PDZD2: variants seen among roughly 807,000 people sequenced by gnomAD.
PDZD2 encodes the protein PDZ domain-containing protein 2.
Under a neutral mutation model 220.7 loss-of-function variants are expected in PDZD2, and 90 were observed. That is an observed-to-expected ratio of 0.41 (90% CI 0.34 to 0.49). PDZD2 has a LOEUF of 0.49. Among genes scored for constraint, PDZD2 ranks in the 20% least tolerant of loss-of-function variants. The pLI is 0.28. For synonymous variants in PDZD2, 1,375 were observed against 1,450.5 expected, an observed-to-expected ratio of 0.95 and a Z score of 1.18; for missense variants, 3,174 against 3,608.5, an observed-to-expected ratio of 0.88 and a Z score of 3.08.
intron 8 of PDZD2, among the ~76,000 whole-genome samples, chr5:32,050,312 C>T (rs1363700450): frequency 6.6e-6 from 1 of 152,172 alleles, no homozygotes; most frequent in Admixed American, 6.6e-5. Context: ...TCTTAACTGA[C>T]CTGCTGAGGA....
intron 2 of PDZD2, among the ~76,000 whole-genome samples, chr5:31,836,942 C>G (rs1026291845): frequency 6.6e-6 from 1 of 151,784 alleles, no homozygotes; most frequent in Non-Finnish European, 1.5e-5. Flanking sequence ...TGTTTAAATC[C>G]AGGAGGTGGA....
chr5:32,040,659 C>T (rs2112245152), intron 7 of PDZD2, among the ~76,000 whole-genome samples: 1 of 139,054 alleles, frequency 7.2e-6, no homozygotes, highest in African/African-American at 2.7e-5. Flanking sequence ...GCACCTCCGC[C>T]TGGCTGCCAC....
chr5:31,950,143 T>G (rs1747051413), intron 2 of PDZD2, among the ~76,000 whole-genome samples: 1 of 152,212 alleles, frequency 6.6e-6, no homozygotes, highest in Non-Finnish European at 1.5e-5. Context: ...GAACTTAAGT[T>G]GACCATCTAT....
chr5:31,799,190 T>G lies in PDZD2; in HGVS notation c.-59T>G, dbSNP rs1754232299. Reference sequence around the variant, plus strand: ...GGACCCCAGGGGACGTGGGGCCCTGTGGGGTCTGGCCCCCAGGAGCAAGAC... The same window carrying G: ...GGACCCCAGGGGACGTGGGGCCCTGGGGGGTCTGGCCCCCAGGAGCAAGAC... On this transcript the variant is annotated 5_prime_UTR_variant, in exon 2 of 25. Coordinates refer to ENST00000438447, the MANE Select transcript of PDZD2 (RefSeq NM_178140.4). The G allele has an allele frequency of 5.0e-6, 6 of 1,189,284 alleles. No homozygotes were observed. Among genetic ancestry groups the G allele is most frequent in the Non-Finnish European group, 7.2e-6 (6 of 833,724 alleles). The allele number at this position is 1,189,284 out of a possible 1,614,324, so 73.7% of individuals were successfully genotyped here.
chr5:31,903,873 G>A (rs1218377301), intron 2 of PDZD2, among the ~76,000 whole-genome samples: 5 of 151,672 alleles, frequency 3.3e-5, no homozygotes, highest in Admixed American at 6.6e-5. Flanking sequence ...ACAGGTGCCC[G>A]CCACCATGCG....
intron 2 of PDZD2, among the ~76,000 whole-genome samples, chr5:31,803,982 G>A (rs560380204): frequency 6.6e-6 from 1 of 151,452 alleles, no homozygotes; most frequent in Non-Finnish European, 1.5e-5. Context: ...GATCGAGGCT[G>A]CAGTGAGCCA....
At chr5:31,985,117 CA>C (rs373205260) in intron 3 of PDZD2, among the ~76,000 whole-genome samples, 2,269 of 143,204 alleles carry the variant, frequency 0.016, 46 homozygotes, top group African/African-American at 0.052. Flanking sequence ...GGATTAAGGA[CA>C]AAAAAAAAAA....
At chr5:31,806,398 C>T (rs2150237189) in intron 2 of PDZD2, among the ~76,000 whole-genome samples, 1 of 152,292 alleles carries the variant, frequency 6.6e-6, no homozygotes, top group Admixed American at 6.5e-5. Context: ...CCTGTGACTG[C>T]CTCCAAATTA....
rs899883936 is a variant in PDZD2 at position 31,797,827 on chromosome 5, T to C, written c.-360-1062T>C. On this transcript the variant is annotated intron_variant, in intron 1 of 24. Transcript: ENST00000438447. ...GGCTTCTGACACCTCTCCCATGCATTATTGTTCCTTGTTAAATCACTTCCT... is the reference window on the plus strand; with the variant it reads ...GGCTTCTGACACCTCTCCCATGCATCATTGTTCCTTGTTAAATCACTTCCT... 7.2e-5 allele frequency among the ~76,000 whole-genome samples: 11 copies of C among 152,320 alleles called. No homozygotes were observed. In the East Asian group the frequency reaches 2.1e-3, roughly 29 times the overall value.
rs190230378 is a variant in PDZD2 at position 31,934,317 on chromosome 5, C to T, written c.477-48838C>T. Among the ~76,000 whole-genome samples the T allele has an allele frequency of 4.1e-3, 630 of 152,274 alleles. 5 individuals are homozygous for T. The highest frequency in any genetic ancestry group is 0.023 in the South Asian group (112 of 4,816). ...GGTGAGTTCCAGGAAGTTACCCACA[C>T]GATCAACTTTCAGGCCTCTTGAATG... On this transcript the variant is annotated intron_variant, in intron 2 of 24. Transcript: ENST00000438447.
intron 1 of PDZD2, among the ~76,000 whole-genome samples, chr5:31,662,805 C>T (rs147361750): frequency 0.024 from 3,628 of 152,194 alleles, 108 homozygotes; most frequent in East Asian, 0.084. Flanking sequence ...AATTTTTTTG[C>T]ATTTTTAGTA....
At chr5:31,897,606 G>A (rs1364316435) in intron 2 of PDZD2, among the ~76,000 whole-genome samples, 1 of 152,146 alleles carries the variant, frequency 6.6e-6, no homozygotes, top group Non-Finnish European at 1.5e-5. Flanking sequence ...CTCTTTTTCT[G>A]GGGATAGGGC....
At chr5:31,932,173 G>A (rs1745354669) in intron 2 of PDZD2, among the ~76,000 whole-genome samples, 2 of 152,188 alleles carry the variant, frequency 1.3e-5, no homozygotes, top group Admixed American at 1.3e-4. Flanking sequence ...GACCATTTAT[G>A]AATTGCATTT....
chr5:31,698,586 G>A (rs1450345635), intron 1 of PDZD2, among the ~76,000 whole-genome samples: 8 of 148,368 alleles, frequency 5.4e-5, no homozygotes, highest in Non-Finnish European at 7.4e-5. Context: ...GCGACAGAGC[G>A]AGACTCTGTC....
chr5:31,914,975 G>A (rs376121219), intron 2 of PDZD2, among the ~76,000 whole-genome samples: 86 of 152,316 alleles, frequency 5.6e-4, no homozygotes, highest in African/African-American at 1.9e-3. Flanking sequence ...GTAGGGGGTG[G>A]GGAAAGCCTG....
intron 1 of PDZD2, among the ~76,000 whole-genome samples, chr5:31,692,179 G>A (rs1747166549): frequency 6.6e-6 from 1 of 152,260 alleles, no homozygotes; most frequent in Non-Finnish European, 1.5e-5. Context: ...CTAAGGCCCG[G>A]CGAGAAATTG....
At chr5:31,760,949 C>T (rs549292) in intron 1 of PDZD2, among the ~76,000 whole-genome samples, 100,703 of 151,904 alleles carry the variant, frequency 0.66, 34,681 homozygotes, top group East Asian at 0.88. Flanking sequence ...AATAAATAAG[C>T]AAACATTTGT....
At chr5:31,851,898 C>T (rs921004645) in intron 2 of PDZD2, among the ~76,000 whole-genome samples, 27 of 152,078 alleles carry the variant, frequency 1.8e-4, no homozygotes, top group African/African-American at 6.3e-4. Flanking sequence ...GCTCTCTTGC[C>T]CAGGCTGAAG....
chr5:32,069,544 A>C lies in PDZD2; in HGVS notation c.2452-25A>C, dbSNP rs767852151. The C allele has an allele frequency of 2.3e-6, 3 of 1,331,424 alleles. No homozygotes were observed. The Admixed American group carries it at 5.0e-5, about 22-fold the overall frequency. The allele number at this position is 1,331,424 out of a possible 1,614,324, so 82.5% of individuals were successfully genotyped here. A position where few individuals can be genotyped will look rare whatever the true frequency, so the allele number is the denominator to read the frequency against. ...AGAAATAAATAAATAAAACCATCTA[A>C]TCTTTGCTTTCTGCTGAAAATCAGG... On this transcript the variant is annotated intron_variant, in intron 14 of 24. Transcript: ENST00000438447.
Sources: gnomAD v4.1 joint callset for allele counts (sites outside exome capture counted in the v4.1 genomes callset) on GRCh38, gnomAD v4.1.1 for gene constraint, MANE v1.5 for transcripts, NCBI Gene and HGNC (gene_info 2026-07-23, HGNC 2026-07-21) for gene names.